Variants in ANKFN1 observed in about 807,000 individuals in gnomAD.
ANKFN1 encodes ankyrin repeat and fibronectin type III domain containing 1, also known as ankyrin repeat and fibronectin type-III domain-containing protein 1.
Under a neutral mutation model 108.7 loss-of-function variants are expected in ANKFN1, and 74 were observed. That is an observed-to-expected ratio of 0.68 (90% CI 0.56 to 0.83). The LOEUF (loss-of-function observed/expected upper bound fraction) is 0.83. Among genes scored for constraint, ANKFN1 ranks in the 40% least tolerant of loss-of-function variants. ANKFN1 has a pLI of 0.00. For missense variants in ANKFN1, 1,505 were observed against 1,382.3 expected (o/e 1.09, Z -1.41); for synonymous variants, 547 against 516.2 (o/e 1.06, Z -0.81).
intron 8 of ANKFN1, among the ~76,000 whole-genome samples, chr17:56,404,992 C>T (rs1176050408): frequency 1.3e-5 from 2 of 152,164 alleles, no homozygotes; most frequent in Admixed American, 6.5e-5. Flanking sequence ...AGTGTCTGCA[C>T]AGAGCCCTGT....
chr17:56,310,322 C>A (rs59572415), intron 3 of ANKFN1, among the ~76,000 whole-genome samples: 17,442 of 152,172 alleles, frequency 0.11, 1,111 homozygotes, highest in African/African-American at 0.18. Flanking sequence ...TGTGCTTTTG[C>A]AAATTAAAAA....
At chr17:56,341,523 G>T (rs2045958260) in intron 4 of ANKFN1, among the ~76,000 whole-genome samples, 1 of 152,038 alleles carries the variant, frequency 6.6e-6, no homozygotes, top group African/African-American at 2.4e-5. Flanking sequence ...AAGAGATGTT[G>T]AATTTTATCA....
intron 3 of ANKFN1, among the ~76,000 whole-genome samples, chr17:56,302,389 G>T (rs560451993): frequency 1.3e-4 from 19 of 151,816 alleles, no homozygotes; most frequent in African/African-American, 4.3e-4. Flanking sequence ...GCCAGGCATG[G>T]TGGCAGTCCC....
At chr17:56,340,483 A>G (rs1042896762) in intron 4 of ANKFN1, among the ~76,000 whole-genome samples, 1 of 151,992 alleles carries the variant, frequency 6.6e-6, no homozygotes, top group Non-Finnish European at 1.5e-5. Flanking sequence ...TAATTTTTAT[A>G]TATGATGTAA....
intron 3 of ANKFN1, among the ~76,000 whole-genome samples, chr17:56,315,689 C>G (rs548025722): frequency 2.6e-5 from 4 of 152,270 alleles, no homozygotes; most frequent in Middle Eastern, 3.4e-3. Context: ...CTCCTCTGAG[C>G]TTAGAAAGCT....
intron 4 of ANKFN1, among the ~76,000 whole-genome samples, chr17:56,100,934 T>C (rs1905635126): frequency 6.6e-6 from 1 of 152,232 alleles, no homozygotes; most frequent in Admixed American, 6.5e-5. Context: ...GACTGTGTCC[T>C]CCTGAAATTC....
chr17:56,203,082 A>G (rs1914198269), intron 1 of ANKFN1, among the ~76,000 whole-genome samples: 1 of 152,180 alleles, frequency 6.6e-6, no homozygotes, highest in Non-Finnish European at 1.5e-5. Context: ...TACGATGAAC[A>G]TGGACTTTGG....
At chr17:56,227,872 T>C (rs1247906958) in intron 2 of ANKFN1, 45 bp from the exon 3 acceptor site, 1 of 1,510,124 alleles carries the variant, frequency 6.6e-7, no homozygotes, top group Admixed American at 1.8e-5. Context: ...TTGAATTGAT[T>C]ACTGTACAAT....
chr17:56,178,686 T>G (rs2143612616), intron 1 of ANKFN1, among the ~76,000 whole-genome samples: 1 of 152,112 alleles, frequency 6.6e-6, no homozygotes, highest in Non-Finnish European at 1.5e-5. Context: ...GGAATGACAT[T>G]CCAGGGGGCA....
At chr17:56,168,083 A>G (rs989929876) in intron 1 of ANKFN1, among the ~76,000 whole-genome samples, 2 of 152,124 alleles carry the variant, frequency 1.3e-5, no homozygotes, top group African/African-American at 4.8e-5. Flanking sequence ...CCTGACCAGC[A>G]TGGCAAAACC....
At chr17:56,495,638 G>C (rs1252195175) in intron 19 of ANKFN1, among the ~76,000 whole-genome samples, 1 of 152,164 alleles carries the variant, frequency 6.6e-6, no homozygotes, top group Non-Finnish European at 1.5e-5. Flanking sequence ...AGGCTTTATA[G>C]ACAGCACATG....
intron 2 of ANKFN1, among the ~76,000 whole-genome samples, chr17:56,216,250 G>A (rs1009186756): frequency 1.1e-4 from 17 of 152,266 alleles, no homozygotes; most frequent in Middle Eastern, 3.4e-3. Flanking sequence ...TTTTGAAAGC[G>A]GATCCTTTAT....
chr17:56,457,432 T>C (rs755851564), intron 13 of ANKFN1, 43 bp downstream of exon 13: 11 of 1,530,458 alleles, frequency 7.2e-6, no homozygotes, highest in Non-Finnish European at 7.9e-6. Context: ...TTTGTACCAA[T>C]GTTACTGCAC....
intron 18 of ANKFN1, among the ~76,000 whole-genome samples, chr17:56,490,283 G>A (rs1386253101): frequency 1.3e-5 from 2 of 152,160 alleles, no homozygotes; most frequent in African/African-American, 4.8e-5. Flanking sequence ...CCACCTGGCA[G>A]GGAGATGTCA....
intron 8 of ANKFN1, among the ~76,000 whole-genome samples, chr17:56,431,493 G>A (rs1287293518): frequency 6.6e-6 from 1 of 152,034 alleles, no homozygotes; most frequent in Non-Finnish European, 1.5e-5. Context: ...GGAGCAAAAT[G>A]GAACTATGAA....
intron 2 of ANKFN1, among the ~76,000 whole-genome samples, chr17:56,214,428 T>C: frequency 6.6e-6 from 1 of 152,326 alleles, no homozygotes. Context: ...TGAAAATAGA[T>C]AAGCCAGGAG....
chr17:56,317,822 C>T (rs2045251485), intron 3 of ANKFN1, among the ~76,000 whole-genome samples: 1 of 152,172 alleles, frequency 6.6e-6, no homozygotes, highest in South Asian at 2.1e-4. Context: ...CTGTGATATT[C>T]AGCTGGGTAA....
chr17:56,434,781 T>TTCTCTCTC (rs57734269), intron 8 of ANKFN1, among the ~76,000 whole-genome samples: 1 of 150,286 alleles, frequency 6.7e-6, no homozygotes, highest in Admixed American at 6.7e-5. Context: ...CGGCACGTCC[T>TTCTCTCTC]TCTCTCTCTC....
At chr17:56,229,726 C>T (rs188370410) in intron 3 of ANKFN1, among the ~76,000 whole-genome samples, 3 of 143,914 alleles carry the variant, frequency 2.1e-5, no homozygotes, top group African/African-American at 7.7e-5. Context: ...TTAGAGGTCT[C>T]AGTTTGTGAC....
Sources: gnomAD v4.1 joint callset for allele counts (sites outside exome capture counted in the v4.1 genomes callset) on GRCh38, gnomAD v4.1.1 for gene constraint, MANE v1.5 for transcripts, NCBI Gene and HGNC (gene_info 2026-07-23, HGNC 2026-07-21) for gene names.